The following CFAP58 variants were observed in gnomAD, a reference collection of about 807,000 sequenced individuals.
CFAP58 encodes cilia and flagella associated protein 58.
Under a neutral mutation model 119.5 loss-of-function variants are expected in CFAP58, and 88 were observed. That is an observed-to-expected ratio of 0.74 (90% CI 0.62 to 0.88). The LOEUF (loss-of-function observed/expected upper bound fraction) is 0.88. Ranked by LOEUF, CFAP58 falls within the 40% of genes least tolerant of loss-of-function variation. The pLI is 0.00. For synonymous variants in CFAP58, 365 were observed against 366.3 expected, an observed-to-expected ratio of 1.00 and a Z score of 0.04; for missense variants, 990 against 1,021.2, an observed-to-expected ratio of 0.97 and a Z score of 0.42.
chr10:104,438,375 T>G (rs1589936364), intron 15 of CFAP58, among the ~76,000 whole-genome samples: 2 of 83,150 alleles, frequency 2.4e-5, no homozygotes, highest in East Asian at 3.1e-4. Context: ...TTTTTTTTTG[T>G]TTTTTTTTTT....
chr10:104,365,696 C>G (rs897503421), intron 4 of CFAP58, 118 bp from the exon 5 acceptor site: 1 of 797,076 alleles, frequency 1.3e-6, no homozygotes. Context: ...AGGGGAAATG[C>G]TACTGCAAAG....
intron 6 of CFAP58, 83 bp from the exon 7 acceptor site, chr10:104,370,812 T>C: frequency 8.1e-7 from 1 of 1,234,242 alleles, no homozygotes. Context: ...GAATTTCCTT[T>C]TATTGGTTCT....
chr10:104,401,107 C>A (rs1389015817), intron 13 of CFAP58, among the ~76,000 whole-genome samples: 1 of 152,132 alleles, frequency 6.6e-6, no homozygotes, highest in Non-Finnish European at 1.5e-5. Flanking sequence ...CAATAATGAA[C>A]CAGCTTCCTT....
chr10:104,357,950 T>G (rs906743027), intron 1 of CFAP58, among the ~76,000 whole-genome samples: 3 of 123,700 alleles, frequency 2.4e-5, no homozygotes, highest in Admixed American at 2.2e-4. Flanking sequence ...TATGTACACA[T>G]ATATACACAT....
At chr10:104,397,452 C>G (rs1171766365) in intron 11 of CFAP58, among the ~76,000 whole-genome samples, 1 of 152,160 alleles carries the variant, frequency 6.6e-6, no homozygotes, top group East Asian at 1.9e-4. Flanking sequence ...TTACAAGGTA[C>G]ACAGTATCTT....
Position 104,406,812 on chromosome 10 carries a change from G to C in CFAP58, c.2256+19G>C, listed in dbSNP as rs10786792. On this transcript the variant is annotated intron_variant, in intron 15 of 17. Transcript: ENST00000369704. ...CCTCCAGGTAGCATTTTTGTTTTCT[G>C]TACTCATTGTACAAGTCCTTAGCAC... 6.3e-7 allele frequency: 1 copy of C among 1,593,958 alleles called. No individual in the cohort carries two copies. Among genetic ancestry groups the C allele is most frequent in the East Asian group, 2.2e-5 (1 of 44,778 alleles).
At position 104,450,056 on chromosome 10, in the gene CFAP58, T is replaced by C. The variant is rs1338456209; in HGVS notation, c.2377-15T>C. ...ATTGTATCTTTTGTTAATGCTGCTT[T>C]ATTTGCCATGTTAGGTTTTGTCTTC... On this transcript the variant is annotated splice_polypyrimidine_tract_variant and intron_variant, in intron 16 of 17. Transcript: ENST00000369704. 1.3e-6 allele frequency: 2 copies of C among 1,586,458 alleles called. No homozygotes were observed. Among genetic ancestry groups the C allele is most frequent in the African/African-American group, 2.7e-5 (2 of 73,100 alleles).
intron 7 of CFAP58, among the ~76,000 whole-genome samples, chr10:104,374,453 GAAAAAAAAAAAAAA>G (rs71022730): frequency 3.3e-5 from 1 of 30,696 alleles, no homozygotes; most frequent in Admixed American, 4.6e-4. Flanking sequence ...CTTGTTTCAG[GAAAAAAAAAAAAAA>G]AAAAAAAAAA....
upstream of CFAP58, among the ~76,000 whole-genome samples, chr10:104,350,016 A>C (rs113396301): frequency 2.4e-3 from 365 of 152,352 alleles, 3 homozygotes; most frequent in African/African-American, 7.7e-3. Flanking sequence ...GCCAGATTAC[A>C]CAGGACCTTA....
the CFAP58 span, among the ~76,000 whole-genome samples, chr10:104,346,836 A>G: frequency 6.6e-6 from 1 of 151,612 alleles, no homozygotes; most frequent in Non-Finnish European, 1.5e-5. Context: ...GGATTTCACC[A>G]TGTTGGCCAC....
At chr10:104,384,864 T>A (rs781358740) in intron 9 of CFAP58, among the ~76,000 whole-genome samples, 2 of 151,912 alleles carry the variant, frequency 1.3e-5, no homozygotes, top group Non-Finnish European at 2.9e-5. Flanking sequence ...GAGTGGGTGG[T>A]GAGCAGGAAA....
intron 1 of CFAP58, among the ~76,000 whole-genome samples, chr10:104,357,526 G>C (rs1169218625): frequency 1.3e-5 from 2 of 152,138 alleles, no homozygotes; most frequent in South Asian, 2.1e-4. Flanking sequence ...GGGGCAATAA[G>C]AAGCAGGGCC....
chr10:104,427,417 A>T lies in CFAP58; in HGVS notation c.2257-20281A>T, dbSNP rs74157107. On this transcript the variant is annotated intron_variant, in intron 15 of 17. Transcript: ENST00000369704. ...TATCACAGAATAATGACAATTTATA[A>T]ATTTTTTTTTCTAGTTGACAAAGCA... Among the ~76,000 whole-genome samples the T allele has an allele frequency of 9.1e-3, 1,385 of 152,310 alleles. 24 individuals are homozygous for T. The highest frequency in any genetic ancestry group is 0.032 in the African/African-American group (1,315 of 41,562).
chr10:104,402,511 A>G (rs1361715047), intron 13 of CFAP58, among the ~76,000 whole-genome samples: 1 of 152,194 alleles, frequency 6.6e-6, no homozygotes, highest in East Asian at 1.9e-4. Flanking sequence ...GACAGGTAAT[A>G]ATATCCTTAT....
intron 11 of CFAP58, among the ~76,000 whole-genome samples, chr10:104,397,356 T>C (rs1319800924): frequency 1.3e-5 from 2 of 152,176 alleles, no homozygotes; most frequent in Non-Finnish European, 2.9e-5. Context: ...AAAACATATT[T>C]CATGAATGAA....
At chr10:104,346,018 A>G in the CFAP58 span, among the ~76,000 whole-genome samples, 1,460 of 152,170 alleles carry the variant, frequency 9.6e-3, 44 homozygotes, top group African/African-American at 0.034. Flanking sequence ...ATGGTTCTGC[A>G]GGCTGTGCAG....
chr10:104,345,202 A>T, the CFAP58 span, among the ~76,000 whole-genome samples: 1 of 152,114 alleles, frequency 6.6e-6, no homozygotes, highest in African/African-American at 2.4e-5. Context: ...TTCATTTTAT[A>T]GATGCCTATC....
chr10:104,406,046 A>G (rs1004454459), intron 14 of CFAP58, among the ~76,000 whole-genome samples: 24 of 152,192 alleles, frequency 1.6e-4, no homozygotes, highest in African/African-American at 5.5e-4. Flanking sequence ...GCAGTGAGCC[A>G]TGATCGCACC....
intron 9 of CFAP58, among the ~76,000 whole-genome samples, chr10:104,390,457 C>G (rs72825882): frequency 1.8e-3 from 280 of 152,300 alleles, no homozygotes; most frequent in South Asian, 5.4e-3. Context: ...TGTCTATTTA[C>G]TCATTGAATA....
Sources: allele counts gnomAD v4.1 joint callset (sites outside exome capture counted in the v4.1 genomes callset), GRCh38; gene constraint gnomAD v4.1.1; transcripts MANE v1.5; gene names NCBI Gene and HGNC (gene_info 2026-07-23, HGNC 2026-07-21).